DPP10: variants seen among roughly 807,000 people sequenced by gnomAD.
The protein encoded by DPP10 is inactive dipeptidyl peptidase 10.
A neutral mutation model predicts 120.9 loss-of-function variants in DPP10; 33 were observed. That is an observed-to-expected ratio of 0.27 (90% CI 0.21 to 0.37). The LOEUF is 0.37. Ranked by LOEUF, DPP10 falls within the 10% of genes least tolerant of loss-of-function variation. The probability of loss-of-function intolerance (pLI) is 1.00; values close to 1 mark genes in which losing one functional copy is unlikely to be tolerated. For missense variants in DPP10, 816 were observed against 942.8 expected (o/e 0.87, Z 1.76); for synonymous variants, 337 against 326.1 (o/e 1.03, Z -0.36).
chr2:115,700,178 CCATTCATGAGAAA>C (rs372374912), intron 7 of DPP10, among the ~76,000 whole-genome samples: 1 of 152,262 alleles, frequency 6.6e-6, no homozygotes, highest in Non-Finnish European at 1.5e-5. Context: ...TGGTACTAAA[CCATTCATGAGAAA>C]CCCACTGCCA....
At chr2:114,801,737 G>A (rs1684267604) in intron 1 of DPP10, among the ~76,000 whole-genome samples, 1 of 152,196 alleles carries the variant, frequency 6.6e-6, no homozygotes, top group Non-Finnish European at 1.5e-5. Flanking sequence ...CTCTGCCTAT[G>A]ATAAGAAAGA....
chr2:114,779,908 G>A lies in DPP10; in HGVS notation c.60+337070G>A, dbSNP rs537910318. Among the ~76,000 whole-genome samples, 96 of 152,120 alleles carry A rather than the reference G, an allele frequency of 6.3e-4. 1 individual carries two copies. The highest frequency in any genetic ancestry group is 2.0e-3 in the African/African-American group (83 of 41,522). ...TCCCAGCACTTTGGGAGGCCAAGGC[G>A]GGCGGATCACGAGGTCAGGAGATCG... is the stretch of plus-strand genomic sequence containing the variant. On this transcript the variant is annotated intron_variant, in intron 1 of 25. Transcript: ENST00000410059.
At chr2:114,511,994 A>T (rs753845957) in intron 1 of DPP10, among the ~76,000 whole-genome samples, 2 of 152,232 alleles carry the variant, frequency 1.3e-5, no homozygotes, top group African/African-American at 2.4e-5. Context: ...CTATCAAAAC[A>T]ATAATCTTTA....
At chr2:115,434,291 G>T (rs1481929977) in intron 3 of DPP10, among the ~76,000 whole-genome samples, 1 of 151,914 alleles carries the variant, frequency 6.6e-6, no homozygotes, top group Non-Finnish European at 1.5e-5. Context: ...CCAACCATTT[G>T]AAACACTGGC....
At chr2:114,791,922 TGA>T (rs1683283771) in intron 1 of DPP10, among the ~76,000 whole-genome samples, 1 of 152,230 alleles carries the variant, frequency 6.6e-6, no homozygotes, top group Non-Finnish European at 1.5e-5. Context: ...GTTGTATCAC[TGA>T]ATCAGCCTTC....
At chr2:115,138,461 C>T (rs1281256407) in intron 1 of DPP10, among the ~76,000 whole-genome samples, 1 of 152,154 alleles carries the variant, frequency 6.6e-6, no homozygotes, top group Non-Finnish European at 1.5e-5. Flanking sequence ...GAAACAGTTG[C>T]ACAGGCATTT....
chr2:114,464,236 G>A (rs1442556384), intron 1 of DPP10, among the ~76,000 whole-genome samples: 2 of 152,168 alleles, frequency 1.3e-5, no homozygotes, highest in African/African-American at 4.8e-5. Context: ...CCAGCAGTGT[G>A]CTTCACCAGC....
At chr2:114,858,041 G>C (rs1485838243) in intron 1 of DPP10, among the ~76,000 whole-genome samples, 1 of 152,182 alleles carries the variant, frequency 6.6e-6, no homozygotes, top group Non-Finnish European at 1.5e-5. Context: ...CCAGGCTGGA[G>C]TGCAGTGGCA....
At chr2:115,477,417 A>G (rs2075156153) in intron 3 of DPP10, among the ~76,000 whole-genome samples, 1 of 152,170 alleles carries the variant, frequency 6.6e-6, no homozygotes. Flanking sequence ...AGTAGCACCA[A>G]AAGGATTAAA....
intron 1 of DPP10, 85 bp from the exon 2 acceptor site, chr2:115,309,154 T>C: frequency 1.0e-6 from 1 of 995,378 alleles, no homozygotes; most frequent in Non-Finnish European, 1.5e-6. Flanking sequence ...AAACTGTGAT[T>C]GTGCCATGCA....
At chr2:115,407,333 TCCC>T (rs961815433) in intron 3 of DPP10, among the ~76,000 whole-genome samples, 34 of 151,940 alleles carry the variant, frequency 2.2e-4, no homozygotes, top group Non-Finnish European at 1.0e-4. Context: ...TCTCTATCAT[TCCC>T]CCTCGAAAGG....
intron 7 of DPP10, among the ~76,000 whole-genome samples, chr2:115,719,951 C>T (rs1193543028): frequency 6.6e-6 from 1 of 152,142 alleles, no homozygotes; most frequent in Admixed American, 6.6e-5. Flanking sequence ...TTTGTAACAT[C>T]GTTATTGGCT....
Position 114,838,469 on chromosome 2 carries a change from C to T in DPP10, c.60+395631C>T, listed in dbSNP as rs10170817. On this transcript the variant is annotated intron_variant, in intron 1 of 25. Transcript: ENST00000410059. ...TTAGGATTACAGCTGTGAGCTACCA[C>T]GCCTAGCTAATTTTTTTGGATTTTT... 8.3e-3 allele frequency among the ~76,000 whole-genome samples: 1,267 copies of T among 152,072 alleles called. 12 individuals are homozygous for T. Among genetic ancestry groups the T allele is most frequent in the African/African-American group, 0.029 (1,183 of 41,470 alleles).
intron 1 of DPP10, among the ~76,000 whole-genome samples, chr2:115,116,999 T>G (rs1258394921): frequency 1.3e-5 from 2 of 152,242 alleles, no homozygotes; most frequent in African/African-American, 4.8e-5. Context: ...TTGCTGTATC[T>G]TTTTATTTAT....
chr2:115,431,222 A>G (rs2070946929), intron 3 of DPP10, among the ~76,000 whole-genome samples: 1 of 152,196 alleles, frequency 6.6e-6, no homozygotes, highest in Admixed American at 6.6e-5. Context: ...AACAGTCATG[A>G]GAGGCTTTTT....
chr2:114,799,281 G>A (rs1056090798), intron 1 of DPP10, among the ~76,000 whole-genome samples: 5 of 152,132 alleles, frequency 3.3e-5, no homozygotes, highest in South Asian at 2.1e-4. Flanking sequence ...TAACCCCAAC[G>A]TCTTTTCAAG....
At chr2:115,761,057 A>G (rs1355262413) in intron 11 of DPP10, among the ~76,000 whole-genome samples, 1 of 146,654 alleles carries the variant, frequency 6.8e-6, no homozygotes, top group African/African-American at 2.5e-5. Flanking sequence ...AGATCGGGCC[A>G]CTGCACTCCA....
chr2:115,408,423 T>C (rs1274546493), intron 3 of DPP10, among the ~76,000 whole-genome samples: 2 of 152,096 alleles, frequency 1.3e-5, no homozygotes, highest in African/African-American at 4.8e-5. Context: ...AGGTGGGCTT[T>C]TGCTGGGGGA....
intron 5 of DPP10, among the ~76,000 whole-genome samples, chr2:115,594,165 A>C (rs1326153670): frequency 6.6e-6 from 1 of 152,174 alleles, no homozygotes; most frequent in Non-Finnish European, 1.5e-5. Flanking sequence ...CATTCTGGTC[A>C]TATCTAAAGG....
Sources: gnomAD v4.1 joint callset for allele counts (sites outside exome capture counted in the v4.1 genomes callset) on GRCh38, gnomAD v4.1.1 for gene constraint, MANE v1.5 for transcripts, NCBI Gene and HGNC (gene_info 2026-07-23, HGNC 2026-07-21) for gene names.